TMEM130: variants seen among roughly 807,000 people sequenced by gnomAD.
TMEM130 encodes transmembrane protein 130.
A neutral mutation model predicts 42.9 loss-of-function variants in TMEM130; 37 were observed. The ratio of observed to expected loss-of-function variants is 0.86; its 90% CI spans 0.66 to 1.13. The LOEUF (loss-of-function observed/expected upper bound fraction) is 1.13, where lower values mean the gene tolerates loss of function less well. TMEM130 is among the 50% of genes most tolerant of loss of function. TMEM130 has a pLI of 0.00. For missense variants in TMEM130, 545 were observed against 562.6 expected, an observed-to-expected ratio of 0.97 and a Z score of 0.32; for synonymous variants, 259 against 237.7, an observed-to-expected ratio of 1.09 and a Z score of -0.82.
At chr7:98,860,359 G>A in intron 2 of TMEM130, 21 bp from the exon 3 acceptor site, 1 of 1,570,582 alleles carries the variant, frequency 6.4e-7, no homozygotes, top group Non-Finnish European at 8.7e-7. Flanking sequence ...GAGAGACACG[G>A]GAGGGTGAGT....
intron 4 of TMEM130, 83 bp downstream of exon 4, chr7:98,855,934 C>T (rs1305299552): frequency 1.3e-6 from 2 of 1,491,460 alleles, no homozygotes; most frequent in African/African-American, 2.7e-5. Context: ...GGGCGTGAGT[C>T]CAGCCCAGAG....
At position 98,848,127 on chromosome 7, in the gene TMEM130, G is replaced by T. The variant is rs782128651; in HGVS notation, c.1201C>A (p.Leu401Met). Residue 401 changes from leucine (L) to methionine (M), a missense_variant, in exon 8 of 8, where the codon CTG becomes ATG. By Grantham distance (15) the Leu-to-Met change is conservative. Transcript: ENST00000339375. Reference sequence around the variant, plus strand: ...CCGTGGTTCTCACGAACAATTTCCAGGTACTCAGATGGAGTCTCCAGCAAG... The same window carrying T: ...CCGTGGTTCTCACGAACAATTTCCATGTACTCAGATGGAGTCTCCAGCAAG... The part of the protein sequence containing the change: ...PFLLETPSEY[L>M]EIVRENHGLL... 6.2e-7 allele frequency: 1 copy of T among 1,614,114 alleles called. No individual in the cohort carries two copies. Among genetic ancestry groups the T allele is most frequent in the Non-Finnish European group, 8.5e-7 (1 of 1,180,024 alleles).
chr7:98,865,790 C>G (rs1031539512), intron 1 of TMEM130: 1 of 152,688 alleles, frequency 6.5e-6, no homozygotes, highest in Admixed American at 6.6e-5. Context: ...TAGCTGCCCA[C>G]GTCCCACCTG....
chr7:98,860,245 A>T lies in TMEM130; in HGVS notation c.485T>A (p.Leu162His), dbSNP rs1794735722. The change falls in exon 3 of 8, where the codon CTC becomes CAC. Residue 162 changes from leucine to histidine, a missense_variant. Transcript: ENST00000339375. ...LTKTVLKVSF[L>H]LHDPSNFLKT... ...GAGGAAGTTGCTCGGGTCGTGGAGG[A>T]GGAAGGAGACTTTCAGGACGGTCTT... 1 of 1,613,818 alleles carries T rather than the reference A, an allele frequency of 6.2e-7. No homozygotes were observed. The highest frequency in any genetic ancestry group is 1.1e-5 in the South Asian group (1 of 91,076).
chr7:98,847,991 C>A lies in TMEM130; in HGVS notation c.*65G>T. 6.6e-7 allele frequency: 1 copy of A among 1,517,188 alleles called. No individual in the cohort carries two copies. Among genetic ancestry groups the A allele is most frequent in the Non-Finnish European group, 9.0e-7 (1 of 1,109,836 alleles). 94.0% of individuals were successfully genotyped at this position (1,517,188 alleles called of 1,614,324 possible). A position where few individuals can be genotyped will look rare whatever the true frequency, so the allele number is the denominator to read the frequency against. ...ACCCCTCCTGGTCAGTGGTGCACAC[C>A]ACCCTGCTGGAAACTCCAAGTCAGC... On this transcript the variant is annotated 3_prime_UTR_variant, in exon 8 of 8. Transcript: ENST00000339375.
In TMEM130 at chr7:98,863,623, T is replaced by TTCCC. The variant is rs369674726; in HGVS notation, c.86-227_86-224dup. ...TTCAGTCTTATTTCCCCTTCCTTCC[T>TTCCC]TCCCTCCCTCCCTCCCTCCTTCTTC... On this transcript the variant is annotated intron_variant, in intron 1 of 7. Coordinates refer to ENST00000339375, the MANE Select transcript of TMEM130 (RefSeq NM_152913.3). 3.9e-3 allele frequency among the ~76,000 whole-genome samples: 590 copies of TTCCC among 150,134 alleles called. 2 individuals carry two copies. The highest frequency in any genetic ancestry group is 0.013 in the African/African-American group (530 of 40,250).
intron 1 of TMEM130, among the ~76,000 whole-genome samples, chr7:98,868,571 C>T (rs368109583): frequency 7.9e-5 from 12 of 152,316 alleles, no homozygotes; most frequent in African/African-American, 2.6e-4. Context: ...AGTACATGGA[C>T]TTCTGACTTA....
At chr7:98,860,155 GC>G in intron 3 of TMEM130, 23 bp downstream of exon 3, 1 of 1,605,950 alleles carries the variant, frequency 6.2e-7, no homozygotes, top group South Asian at 1.1e-5. Context: ...CAGCTGTAGG[GC>G]CTGCAGAGGG....
Position 98,849,789 on chromosome 7 carries a change from C to T in TMEM130, c.1007-1094G>A, listed in dbSNP as rs547747140. Among the ~76,000 whole-genome samples the T allele has an allele frequency of 2.2e-3, 335 of 152,200 alleles. 1 individual carries two copies. Among genetic ancestry groups the T allele is most frequent in the African/African-American group, 7.6e-3 (315 of 41,540 alleles). ...GGCTGACATCCAGTCTTGTTGCCTC[C>T]CTGTGCCTTAGTTTCCCCTTTTGTA... is the stretch of plus-strand genomic sequence containing the variant. On this transcript the variant is annotated intron_variant, in intron 6 of 7. Coordinates refer to ENST00000339375, the MANE Select transcript of TMEM130 (RefSeq NM_152913.3).
At chr7:98,849,773 C>A (rs1251999459) in intron 6 of TMEM130, among the ~76,000 whole-genome samples, 1 of 152,148 alleles carries the variant, frequency 6.6e-6, no homozygotes, top group Non-Finnish European at 1.5e-5. Context: ...AGGCTGACAT[C>A]CAGTCTTGTT....
intron 3 of TMEM130, 52 bp downstream of exon 3, chr7:98,860,127 A>G (rs1031434329): frequency 4.4e-5 from 69 of 1,571,438 alleles, no homozygotes; most frequent in Non-Finnish European, 5.6e-5. Context: ...AGTGCGCGGG[A>G]CAGTGGGGCA....
At chr7:98,849,225 C>T (rs1223034580) in intron 6 of TMEM130, among the ~76,000 whole-genome samples, 1 of 152,140 alleles carries the variant, frequency 6.6e-6, no homozygotes, top group Non-Finnish European at 1.5e-5. Context: ...TAGAAAGAGT[C>T]CAGTGTCTGA....
intron 5 of TMEM130, 64 bp from the exon 6 acceptor site, chr7:98,851,687 T>C (rs913557385): frequency 9.7e-6 from 14 of 1,445,124 alleles, no homozygotes; most frequent in Admixed American, 2.3e-5. Flanking sequence ...ACAGACCAAG[T>C]CCAAGACAGG....
chr7:98,869,858 C>T lies in TMEM130; in HGVS notation c.4G>A (p.Ala2Thr), dbSNP rs2116153508. 1 of 1,389,334 alleles carries T rather than the reference C, an allele frequency of 7.2e-7. No homozygotes were observed. Among genetic ancestry groups the T allele is most frequent in the East Asian group, 3.1e-5 (1 of 32,480 alleles). 86.1% of individuals were successfully genotyped at this position (1,389,334 alleles called of 1,614,324 possible). A position where few individuals can be genotyped will look rare whatever the true frequency, so the allele number is the denominator to read the frequency against. The change falls in exon 1 of 8, where the codon GCC (alanine) becomes ACC (threonine). Residue 2 changes from alanine (A) to threonine (T), a missense_variant. Transcript: ENST00000339375. The surrounding 1 kb of genome is among the most constrained non-coding windows in gnomAD (Gnocchi z 4.7). M[A>T]QAVWSRLGRI... ...CCGAGGCGCGACCACACTGCCTGGG[C>T]CATTGCGGGGCCCGGAGCGGGAGAA...
At position 98,855,224 on chromosome 7, in the gene TMEM130, T is replaced by C. The variant is rs781818236; in HGVS notation, c.803+16A>G. The C allele has an allele frequency of 1.2e-6, 2 of 1,611,388 alleles. No homozygotes were observed. The highest frequency in any genetic ancestry group is 3.3e-5 in the Admixed American group (2 of 59,770). ...AGCCCACGGGGCACCCCCAGTGCGC[T>C]CTGGAGCTCACTTACCTCCCCAGGA... is the stretch of plus-strand genomic sequence containing the variant. On this transcript the variant is annotated intron_variant, in intron 5 of 7. Coordinates refer to ENST00000339375, the MANE Select transcript of TMEM130 (RefSeq NM_152913.3).
chr7:98,859,415 C>T lies in TMEM130; in HGVS notation c.551+764G>A, dbSNP rs1238956110. 9.2e-5 allele frequency among the ~76,000 whole-genome samples: 14 copies of T among 152,314 alleles called. 1 individual carries two copies. The East Asian group carries it at 2.1e-3, about 23-fold the overall frequency. On this transcript the variant is annotated intron_variant, in intron 3 of 7. Coordinates refer to ENST00000339375, the MANE Select transcript of TMEM130 (RefSeq NM_152913.3). ...GGGAAAAAATCTCATGTACCTTTAC[C>T]TTCCTTAAATGGCTGTTTTGGGCAC... is the stretch of plus-strand genomic sequence containing the variant.
intron 5 of TMEM130, among the ~76,000 whole-genome samples, chr7:98,854,060 CAG>C (rs1794572925): frequency 8.0e-6 from 1 of 125,032 alleles, no homozygotes; most frequent in African/African-American, 3.1e-5. Context: ...TTTTTTTGGA[CAG>C]AGTCTTGCTC....
chr7:98,865,646 G>C (rs1794890802), intron 1 of TMEM130, among the ~76,000 whole-genome samples: 1 of 152,118 alleles, frequency 6.6e-6, no homozygotes, highest in African/African-American at 2.4e-5. Context: ...ATTTGACCTT[G>C]TGGTTTTCAA....
chr7:98,862,122 C>T (rs1287057737), intron 2 of TMEM130, among the ~76,000 whole-genome samples: 1 of 152,044 alleles, frequency 6.6e-6, no homozygotes, highest in Non-Finnish European at 1.5e-5. Flanking sequence ...CAATGAACAC[C>T]TTAATGCAAA....
Sources: allele counts gnomAD v4.1 joint callset (sites outside exome capture counted in the v4.1 genomes callset), GRCh38; gene constraint gnomAD v4.1.1; non-coding constraint Gnocchi (gnomAD v3.1); transcripts MANE v1.5; gene names NCBI Gene and HGNC (gene_info 2026-07-23, HGNC 2026-07-21).